PVT1: variants seen among roughly 807,000 people sequenced by gnomAD.
PVT1 encodes Pvt1 oncogene.
chr8:127,911,416 G>T (rs1815896427), intron 3 of PVT1, among the ~76,000 whole-genome samples: 1 of 152,236 alleles, frequency 6.6e-6, no homozygotes, highest in African/African-American at 2.4e-5. Flanking sequence ...GTCCCCGGCT[G>T]CCAGCTGTTT....
At chr8:127,827,238 G>A (rs1029055709) in intron 2 of PVT1, among the ~76,000 whole-genome samples, 1 of 152,022 alleles carries the variant, frequency 6.6e-6, no homozygotes, top group African/African-American at 2.4e-5. Flanking sequence ...CAGGTGATCT[G>A]CCTGCCTCAA....
intron 4 of PVT1, among the ~76,000 whole-genome samples, chr8:127,999,966 G>A (rs572928362): frequency 1.3e-5 from 2 of 152,316 alleles, no homozygotes; most frequent in East Asian, 3.9e-4. Flanking sequence ...AATGTGTCCT[G>A]CCTAGATGTT....
intron 2 of PVT1, among the ~76,000 whole-genome samples, chr8:127,831,465 G>C (rs1402676319): frequency 6.6e-6 from 1 of 152,100 alleles, no homozygotes; most frequent in African/African-American, 2.4e-5. Flanking sequence ...ATGCCAACTA[G>C]GTACTTGGCA....
At chr8:128,054,112 G>A (rs1169976660) in intron 4 of PVT1, among the ~76,000 whole-genome samples, 1 of 152,186 alleles carries the variant, frequency 6.6e-6, no homozygotes, top group Non-Finnish European at 1.5e-5. Flanking sequence ...TCCTACAAAT[G>A]CTAAGTTAGC....
chr8:128,039,458 C>A (rs1813506012), intron 4 of PVT1, among the ~76,000 whole-genome samples: 1 of 152,212 alleles, frequency 6.6e-6, no homozygotes, highest in Non-Finnish European at 1.5e-5. Context: ...AAAGTCATGG[C>A]CCTTGCTCAG....
At chr8:127,937,209 G>A (rs1816286754) in intron 3 of PVT1, among the ~76,000 whole-genome samples, 1 of 152,108 alleles carries the variant, frequency 6.6e-6, no homozygotes, top group African/African-American at 2.4e-5. Flanking sequence ...AGTCTTGGGT[G>A]CAAATCTTGA....
intron 3 of PVT1, among the ~76,000 whole-genome samples, chr8:127,967,690 C>T (rs1052986161): frequency 9.9e-5 from 15 of 152,194 alleles, no homozygotes; most frequent in African/African-American, 3.6e-4. Flanking sequence ...TGGGCAGTAC[C>T]GCTCCTGCCA....
Position 128,041,367 on chromosome 8 carries a change from TTG to T in PVT1, n.913-28789_913-28788del, listed in dbSNP as rs1260905982. 4.6e-5 allele frequency among the ~76,000 whole-genome samples: 7 copies of T among 151,094 alleles called. No homozygotes were observed. The East Asian group carries it at 1.2e-3, about 25-fold the overall frequency. On this transcript the variant is annotated intron_variant and non_coding_transcript_variant, in intron 4 of 10. Transcript: ENST00000651587. ...TGTATGTGTTGTGCTCATGTGTTGT[TTG>T]TGTTTGTGTGCATATGTGTATGTGT...
intron 3 of PVT1, among the ~76,000 whole-genome samples, chr8:127,986,909 G>T (rs1229272710): frequency 6.6e-6 from 1 of 152,194 alleles, no homozygotes. Flanking sequence ...GAGCCAACGT[G>T]CTGGGTTATT....
At chr8:128,098,576 GT>G (rs1015989190) in intron 6 of PVT1, among the ~76,000 whole-genome samples, 2 of 152,182 alleles carry the variant, frequency 1.3e-5, no homozygotes, top group African/African-American at 4.8e-5. Flanking sequence ...CCTTGCACAG[GT>G]TACATAACAT....
At chr8:127,926,463 C>T (rs756643619) in intron 3 of PVT1, among the ~76,000 whole-genome samples, 6 of 152,228 alleles carry the variant, frequency 3.9e-5, no homozygotes, top group Non-Finnish European at 8.8e-5. Flanking sequence ...GGAGCTGCTT[C>T]ATCCGGGAAG....
At chr8:127,830,437 T>C (rs936517615) in intron 2 of PVT1, among the ~76,000 whole-genome samples, 1 of 147,678 alleles carries the variant, frequency 6.8e-6, no homozygotes, top group Admixed American at 6.9e-5. Flanking sequence ...CCATATTGCT[T>C]TATTTCAGGA....
chr8:127,835,501 G>A (rs958552370), intron 2 of PVT1, among the ~76,000 whole-genome samples: 1 of 152,010 alleles, frequency 6.6e-6, no homozygotes, highest in African/African-American at 2.4e-5. Flanking sequence ...GTGCATGCGG[G>A]GCTTAAAACC....
rs373092507 is a variant in PVT1, at chr8:128,061,188, C to A, written n.913-8972C>A. On this transcript the variant is annotated intron_variant and non_coding_transcript_variant, in intron 4 of 10. Transcript: ENST00000651587. ...GCCTCCAAAATGCTGGGATTACAGA[C>A]GTGAGCCACCATGCCTGGCCATGGA... Among the ~76,000 whole-genome samples the A allele has an allele frequency of 3.3e-5, 5 of 152,330 alleles. No individual in the cohort carries two copies. In the East Asian group the frequency reaches 9.6e-4, roughly 29 times the overall value.
intron 5 of PVT1, among the ~76,000 whole-genome samples, chr8:128,091,136 C>T (rs1291997343): frequency 1.3e-5 from 2 of 152,122 alleles, no homozygotes; most frequent in Non-Finnish European, 2.9e-5. Flanking sequence ...TATTTTTAGC[C>T]CAGCAGGACA....
chr8:127,862,282 C>A (rs959317621), intron 2 of PVT1, among the ~76,000 whole-genome samples: 11 of 151,900 alleles, frequency 7.2e-5, no homozygotes, highest in Non-Finnish European at 1.5e-4. Flanking sequence ...GTGGCAGGTG[C>A]CTATAATCCC....
Position 127,852,913 on chromosome 8 carries a change from G to C in PVT1, n.373-37676G>C, listed in dbSNP as rs556071194. 2.0e-4 allele frequency among the ~76,000 whole-genome samples: 31 copies of C among 152,344 alleles called. No individual in the cohort carries two copies. The South Asian group carries it at 6.2e-3, about 31-fold the overall frequency. ...TCTGTGGCGCCTTGCACTGGGTCCA[G>C]CTGACGTGGAGAGAGACTCAGGAAA... On this transcript the variant is annotated intron_variant and non_coding_transcript_variant, in intron 2 of 10. Transcript: ENST00000651587.
intron 2 of PVT1, among the ~76,000 whole-genome samples, chr8:127,862,360 A>G (rs182305159): frequency 1.3e-3 from 198 of 152,140 alleles, no homozygotes; most frequent in African/African-American, 4.6e-3. Context: ...GTAAGCTGAG[A>G]TCATACCACT....
intron 3 of PVT1, among the ~76,000 whole-genome samples, chr8:127,930,310 C>A (rs944061366): frequency 2.0e-5 from 3 of 152,164 alleles, no homozygotes; most frequent in African/African-American, 2.4e-5. Flanking sequence ...GCATGCGCCA[C>A]CAGGTCTGGC....
Sources: gnomAD v4.1 joint callset for allele counts (sites outside exome capture counted in the v4.1 genomes callset) on GRCh38, gnomAD v4.1.1 for gene constraint, MANE v1.5 for transcripts, NCBI Gene and HGNC (gene_info 2026-07-23, HGNC 2026-07-21) for gene names.